The following FYB1 variants were observed in gnomAD, a reference collection of about 807,000 sequenced individuals.
FYB1 encodes FYN-binding protein 1.
FYB1 carries 41 observed loss-of-function variants against 94.1 expected under a neutral mutation model. The ratio of observed to expected loss-of-function variants is 0.44; its 90% CI spans 0.34 to 0.57. FYB1 has a LOEUF of 0.57. Ranked by LOEUF, FYB1 falls within the 20% of genes least tolerant of loss-of-function variation. The pLI is 0.02. For missense variants in FYB1, 1,050 were observed against 976.8 expected (o/e 1.07, Z -1.00); for synonymous variants, 367 against 353.2 (o/e 1.04, Z -0.44).
intron 1 of FYB1, chr5:39,270,482 A>G: frequency 2.3e-6 from 3 of 1,294,438 alleles, no homozygotes; most frequent in Non-Finnish European, 3.2e-6. Context: ...CCTGACTGTG[A>G]AGCACCCTCA....
intron 1 of FYB1, among the ~76,000 whole-genome samples, chr5:39,229,953 T>TA (rs138159621): frequency 0.01 from 1,557 of 152,274 alleles, 25 homozygotes; most frequent in African/African-American, 0.036. Context: ...TGGGCATCTG[T>TA]ACTCTTCAGA....
At chr5:39,154,645 T>G (rs35203898) in intron 2 of FYB1, among the ~76,000 whole-genome samples, 10,950 of 152,106 alleles carry the variant, frequency 0.072, 582 homozygotes, top group Non-Finnish European at 0.11. Context: ...TAGCTGGGAT[T>G]ATAGGTGCCT....
In FYB1 at chr5:39,140,357, A is replaced by G. The variant is rs1271445047; in HGVS notation, c.1339+738T>C. 2.0e-5 allele frequency among the ~76,000 whole-genome samples: 3 copies of G among 152,350 alleles called. No individual in the cohort carries two copies. The East Asian group carries it at 5.8e-4, about 29-fold the overall frequency. On this transcript the variant is annotated intron_variant, in intron 4 of 18. Transcript: ENST00000512982. ...CTGGCAACTTACAGAAGAAGAAACC[A>G]CAAAGGCTTATAAGCAAATAAAGTG...
At chr5:39,269,513 A>C (rs1198837586) in intron 1 of FYB1, 1 of 152,336 alleles carries the variant, frequency 6.6e-6, no homozygotes, top group African/African-American at 2.4e-5. Flanking sequence ...TCCCCTTCTC[A>C]AGACTCAGTG....
In FYB1 at chr5:39,185,386, A is replaced by T. The variant is rs575423254; in HGVS notation, c.1135+16440T>A. On this transcript the variant is annotated intron_variant, in intron 2 of 18. Transcript: ENST00000512982. The stretch of plus-strand genomic sequence containing the variant: ...GATATTGATGCTTTGTAGCAGTTAA[A>T]TGTCTTACCAATGTTTTCCCCCTTA... Among the ~76,000 whole-genome samples the T allele has an allele frequency of 4.0e-3, 608 of 151,992 alleles. 2 individuals carry two copies. The highest frequency in any genetic ancestry group is 4.8e-3 in the Non-Finnish European group (328 of 67,966).
At chr5:39,252,406 G>T (rs2150614241) in intron 1 of FYB1, among the ~76,000 whole-genome samples, 1 of 152,252 alleles carries the variant, frequency 6.6e-6, no homozygotes, top group East Asian at 1.9e-4. Context: ...TAATATAAGG[G>T]AAATAGCTAT....
rs182044248 is a variant in FYB1 at position 39,254,179 on chromosome 5, A to G, written c.-28+20224T>C. Among the ~76,000 whole-genome samples the G allele has an allele frequency of 8.6e-4, 131 of 152,318 alleles. 3 individuals carry two copies. The highest frequency in any genetic ancestry group is 3.0e-3 in the African/African-American group (123 of 41,582). ...ACACACGTGCATGTATCTTTATAAT[A>G]GAACAATTTATATTCCTTTGGCTCT... On this transcript the variant is annotated intron_variant, in intron 1 of 1. Transcript: ENST00000510188.
At chr5:39,139,336 A>C in intron 4 of FYB1, 84 bp from the exon 5 acceptor site, 1 of 1,134,382 alleles carries the variant, frequency 8.8e-7, no homozygotes, top group Non-Finnish European at 1.2e-6. Context: ...ATATAATAAT[A>C]TTCAAAATAG....
At chr5:39,130,520 T>G in intron 10 of FYB1, 70 bp downstream of exon 10, 1 of 1,216,860 alleles carries the variant, frequency 8.2e-7, no homozygotes. Context: ...AAATAACACA[T>G]GTGCTCCATA....
chr5:39,225,332 A>C (rs1750425442), intron 1 of FYB1, among the ~76,000 whole-genome samples: 1 of 152,206 alleles, frequency 6.6e-6, no homozygotes, highest in Admixed American at 6.5e-5. Context: ...TATGTTAGCA[A>C]ACCAAAGCCC....
chr5:39,202,872 G>A lies in FYB1; in HGVS notation c.89C>T (p.Ser30Leu). The change falls in exon 2 of 19, where the codon TCA becomes TTA. Residue 30 changes from serine to leucine, a missense_variant. Ser to Leu is a moderately radical substitution (Grantham distance 145, BLOSUM62 -2). Coordinates refer to ENST00000512982, the MANE Select transcript of FYB1 (RefSeq NM_001465.6). The part of the protein sequence containing the change: ...PFRVTGPNSS[S>L]GIQARKNLFN... ...TAAGTTCTTTCTTGCTTGTATTCCT[G>A]AAGATGAGTTTGGCCCTGTGACTCT... 6.2e-7 allele frequency: 1 copy of A among 1,614,006 alleles called. No individual in the cohort carries two copies. The highest frequency in any genetic ancestry group is 8.5e-7 in the Non-Finnish European group (1 of 1,179,894).
chr5:39,135,453 G>A (rs1741601875), intron 7 of FYB1, among the ~76,000 whole-genome samples: 1 of 152,204 alleles, frequency 6.6e-6, no homozygotes, highest in Non-Finnish European at 1.5e-5. Context: ...CTATAAACAA[G>A]ATAACATTTC....
At chr5:39,212,151 A>G (rs1204144973) in intron 1 of FYB1, among the ~76,000 whole-genome samples, 4 of 152,174 alleles carry the variant, frequency 2.6e-5, no homozygotes, top group Admixed American at 1.3e-4. Flanking sequence ...ACAAAAGAAT[A>G]TGCAATATTA....
chr5:39,220,840 A>G (rs926916718), upstream of FYB1, among the ~76,000 whole-genome samples: 2 of 152,266 alleles, frequency 1.3e-5, no homozygotes, highest in Non-Finnish European at 2.9e-5. Flanking sequence ...TGTTTTGTAC[A>G]GACCTCAGGC....
intron 2 of FYB1, among the ~76,000 whole-genome samples, chr5:39,168,065 A>C (rs578107164): frequency 6.6e-6 from 1 of 152,310 alleles, no homozygotes; most frequent in South Asian, 2.1e-4. Context: ...AATTAGTCAA[A>C]CTAGATGTGT....
At chr5:39,148,197 ATATATATATAT>A (rs1742913435) in intron 3 of FYB1, among the ~76,000 whole-genome samples, 3 of 71,792 alleles carry the variant, frequency 4.2e-5, no homozygotes, top group African/African-American at 1.0e-4. Context: ...ATATATATAT[ATATATATATAT>A]TTGTAGACGC....
At chr5:39,158,773 A>G (rs909347516) in intron 2 of FYB1, among the ~76,000 whole-genome samples, 1 of 152,062 alleles carries the variant, frequency 6.6e-6, no homozygotes, top group Non-Finnish European at 1.5e-5. Flanking sequence ...TCTCAATTTC[A>G]TTTTTAAATC....
intron 2 of FYB1, among the ~76,000 whole-genome samples, chr5:39,164,598 AT>A (rs1343935265): frequency 1.3e-5 from 2 of 152,018 alleles, no homozygotes; most frequent in African/African-American, 4.8e-5. Context: ...CTAATTGTGT[AT>A]TTTTAGTAGA....
intron 1 of FYB1, among the ~76,000 whole-genome samples, chr5:39,262,326 G>A (rs1752258754): frequency 6.6e-6 from 1 of 152,060 alleles, no homozygotes. Context: ...ATAAAAAATG[G>A]ATGAAACACA....
Sources: gnomAD v4.1 joint callset for allele counts (sites outside exome capture counted in the v4.1 genomes callset) on GRCh38, gnomAD v4.1.1 for gene constraint, MANE v1.5 for transcripts, NCBI Gene and HGNC (gene_info 2026-07-23, HGNC 2026-07-21) for gene names.